ABI2: variants seen among roughly 807,000 people sequenced by gnomAD.
ABI2 encodes the protein abelson interactor 2.
Under a neutral mutation model 59.2 loss-of-function variants are expected in ABI2, and 25 were observed. That is an observed-to-expected ratio of 0.42 (90% CI 0.31 to 0.59). The LOEUF (loss-of-function observed/expected upper bound fraction) is 0.59. Ranked by LOEUF, ABI2 falls within the 20% of genes least tolerant of loss-of-function variation. The pLI, the probability that ABI2 is intolerant of heterozygous loss-of-function variation, is 0.14. For synonymous variants in ABI2, 213 were observed against 235.5 expected, an observed-to-expected ratio of 0.90 and a Z score of 0.87; for missense variants, 545 against 681.8, an observed-to-expected ratio of 0.80 and a Z score of 2.23.
chr2:203,420,719 G>A (rs892914169), intron 11 of ABI2, among the ~76,000 whole-genome samples: 5 of 152,158 alleles, frequency 3.3e-5, no homozygotes, highest in East Asian at 1.9e-4. Flanking sequence ...GTTCATCTTC[G>A]TACCTCTAAA....
chr2:203,350,900 G>A (rs1273631065), intron 1 of ABI2, among the ~76,000 whole-genome samples: 5 of 140,336 alleles, frequency 3.6e-5, no homozygotes, highest in Non-Finnish European at 7.9e-5. Flanking sequence ...GTGCGCGCGC[G>A]CATACTTTTA....
chr2:203,376,081 G>C, intron 2 of ABI2: 2 of 1,535,018 alleles, frequency 1.3e-6, no homozygotes. Context: ...TTGATCTTGA[G>C]TCGACTTTTG....
At chr2:203,368,984 ATTTTTTTTTTT>A (rs71007508) in intron 2 of ABI2, among the ~76,000 whole-genome samples, 36 of 91,084 alleles carry the variant, frequency 4.0e-4, no homozygotes, top group Admixed American at 1.8e-3. Flanking sequence ...TGCTTGGCTG[ATTTTTTTTTTT>A]TTTTTTTTTT....
chr2:203,380,508 G>A, intron 3 of ABI2, 124 bp downstream of exon 3: 1 of 564,756 alleles, frequency 1.8e-6, no homozygotes, highest in East Asian at 3.4e-5. Flanking sequence ...AGTTGTGGTT[G>A]TGAAGATTCC....
chr2:203,391,262 T>TG (rs2096732097), intron 5 of ABI2, 119 bp downstream of exon 5: 1 of 672,238 alleles, frequency 1.5e-6, no homozygotes. Context: ...TGTAGGATTG[T>TG]TGTTTGTGTG....
intron 1 of ABI2, among the ~76,000 whole-genome samples, chr2:203,347,580 C>G (rs1462418085): frequency 6.6e-6 from 1 of 152,202 alleles, no homozygotes; most frequent in Admixed American, 6.5e-5. Flanking sequence ...CCAAGCCTTT[C>G]TGGGCAGCTG....
intron 1 of ABI2, among the ~76,000 whole-genome samples, chr2:203,341,775 G>T (rs917813844): frequency 3.3e-5 from 5 of 152,192 alleles, no homozygotes; most frequent in African/African-American, 1.2e-4. Flanking sequence ...TCTGGAAAAT[G>T]AAAGTTGGCA....
At chr2:203,354,387 T>A (rs1421173780) in intron 1 of ABI2, among the ~76,000 whole-genome samples, 1 of 152,150 alleles carries the variant, frequency 6.6e-6, no homozygotes, top group African/African-American at 2.4e-5. Context: ...CCCTAATAAT[T>A]CATTTTTTTG....
intron 1 of ABI2, chr2:203,342,336 G>T: frequency 2.6e-6 from 1 of 379,390 alleles, no homozygotes; most frequent in African/African-American, 2.1e-5. Context: ...TATAATATGG[G>T]ACTGTTTTTT....
intron 1 of ABI2, among the ~76,000 whole-genome samples, chr2:203,350,578 C>G (rs1262758152): frequency 6.8e-6 from 1 of 148,046 alleles, no homozygotes; most frequent in African/African-American, 2.5e-5. Flanking sequence ...CTTAATCTGT[C>G]GCCCAGGCTA....
chr2:203,395,566 A>G, intron 6 of ABI2, 90 bp from the exon 7 acceptor site: 1 of 1,388,008 alleles, frequency 7.2e-7, no homozygotes, highest in Non-Finnish European at 9.7e-7. Context: ...CCTTTATTGT[A>G]GCTACATTCA....
intron 1 of ABI2, among the ~76,000 whole-genome samples, chr2:203,340,008 G>A (rs1264068231): frequency 6.6e-6 from 1 of 152,158 alleles, no homozygotes; most frequent in African/African-American, 2.4e-5. Flanking sequence ...CAGTTAAAGG[G>A]TCAACTGCAT....
intron 11 of ABI2, among the ~76,000 whole-genome samples, chr2:203,424,593 T>A (rs2098359419): frequency 6.6e-6 from 1 of 151,828 alleles, no homozygotes; most frequent in Admixed American, 6.6e-5. Flanking sequence ...GAGACAGGGT[T>A]TTGCTATGTT....
Position 203,427,425 on chromosome 2 carries a change from C to T in ABI2, c.*73C>T. ...AGATTATCTGAAGGCCCTGGGGATT[C>T]CACTCCAGTAAAGTAGAATGAAGGA... is the stretch of plus-strand genomic sequence containing the variant. On this transcript the variant is annotated 3_prime_UTR_variant, in exon 12 of 12. Coordinates refer to ENST00000261018, the MANE Select transcript of ABI2 (RefSeq NM_001375670.1). 7.5e-7 allele frequency: 1 copy of T among 1,330,304 alleles called. No individual in the cohort carries two copies. Among genetic ancestry groups the T allele is most frequent in the Admixed American group, 2.2e-5 (1 of 45,148 alleles). The allele number at this position is 1,330,304 out of a possible 1,614,324, so 82.4% of individuals were successfully genotyped here.
chr2:203,365,546 A>G (rs943250346), intron 1 of ABI2, among the ~76,000 whole-genome samples: 1 of 129,368 alleles, frequency 7.7e-6, no homozygotes, highest in Non-Finnish European at 1.7e-5. Flanking sequence ...TTTTTATTTT[A>G]TTTTTTGTTA....
At chr2:203,376,083 CG>C in intron 2 of ABI2, 1 of 1,534,466 alleles carries the variant, frequency 6.5e-7, no homozygotes, top group Non-Finnish European at 8.7e-7. Context: ...GATCTTGAGT[CG>C]ACTTTTGTGA....
intron 8 of ABI2, among the ~76,000 whole-genome samples, chr2:203,401,816 T>C (rs1328515389): frequency 1.3e-5 from 2 of 152,180 alleles, no homozygotes; most frequent in Non-Finnish European, 2.9e-5. Context: ...TTAACCATAC[T>C]TTTTTGCTAC....
intron 1 of ABI2, among the ~76,000 whole-genome samples, chr2:203,349,138 T>C (rs1248266815): frequency 6.6e-6 from 1 of 151,980 alleles, no homozygotes; most frequent in Non-Finnish European, 1.5e-5. Context: ...GGTGGGCTTT[T>C]GCCTTGTTGC....
chr2:203,394,967 A>C (rs772501775), intron 6 of ABI2, 121 bp downstream of exon 6: 2 of 1,113,026 alleles, frequency 1.8e-6, no homozygotes, highest in South Asian at 2.6e-5. Flanking sequence ...ATTCTCCCAA[A>C]CCTCATCTGA....
Sources: allele counts gnomAD v4.1 joint callset (sites outside exome capture counted in the v4.1 genomes callset), GRCh38; gene constraint gnomAD v4.1.1; transcripts MANE v1.5; gene names NCBI Gene and HGNC (gene_info 2026-07-23, HGNC 2026-07-21).